The following KIF2A variants were observed in gnomAD, a reference collection of about 807,000 sequenced individuals.
KIF2A encodes the protein kinesin family member 2A.
A neutral mutation model predicts 100.2 loss-of-function variants in KIF2A; 22 were observed. That is an observed-to-expected ratio of 0.22 (90% CI 0.16 to 0.31). The LOEUF (loss-of-function observed/expected upper bound fraction) is 0.31. Among genes scored for constraint, KIF2A ranks in the 10% least tolerant of loss-of-function variants. The pLI, the probability that KIF2A is intolerant of heterozygous loss-of-function variation, is 1.00. For missense variants in KIF2A, 495 were observed against 898.7 expected (o/e 0.55, Z 5.74); for synonymous variants, 268 against 285.9 (o/e 0.94, Z 0.63).
intron 1 of KIF2A, among the ~76,000 whole-genome samples, chr5:62,337,070 T>C (rs1418096856): frequency 1.3e-5 from 2 of 152,204 alleles, no homozygotes; most frequent in African/African-American, 2.4e-5. Context: ...GATCTTCTTA[T>C]AATAACGCAA....
At chr5:62,327,860 T>C (rs1489777204) in intron 1 of KIF2A, among the ~76,000 whole-genome samples, 1 of 152,192 alleles carries the variant, frequency 6.6e-6, no homozygotes, top group Non-Finnish European at 1.5e-5. Flanking sequence ...CTGGGGGGAA[T>C]AATAACATTG....
intron 1 of KIF2A, among the ~76,000 whole-genome samples, chr5:62,313,896 A>G (rs1041528728): frequency 4.6e-5 from 7 of 151,890 alleles, no homozygotes; most frequent in South Asian, 2.1e-4. Context: ...GACTCAAGCA[A>G]TCCTCTCACC....
At chr5:62,345,484 A>G (rs1747514657) in intron 1 of KIF2A, among the ~76,000 whole-genome samples, 1 of 130,450 alleles carries the variant, frequency 7.7e-6, no homozygotes, top group Non-Finnish European at 1.6e-5. Context: ...TCTGTCTCAA[A>G]AAAAAAAAAA....
intron 1 of KIF2A, among the ~76,000 whole-genome samples, chr5:62,340,846 G>A (rs1747258429): frequency 6.6e-6 from 1 of 151,890 alleles, no homozygotes; most frequent in Admixed American, 6.6e-5. Context: ...TTAAAAAGAG[G>A]TATTTGAGTA....
chr5:62,340,239 T>G (rs1747226868), intron 1 of KIF2A, among the ~76,000 whole-genome samples: 1 of 152,126 alleles, frequency 6.6e-6, no homozygotes, highest in Non-Finnish European at 1.5e-5. Flanking sequence ...ACCTGGCAGT[T>G]GTTATCTTTG....
intron 1 of KIF2A, among the ~76,000 whole-genome samples, chr5:62,341,768 G>A (rs554089104): frequency 6.6e-6 from 1 of 152,092 alleles, no homozygotes; most frequent in South Asian, 2.1e-4. Flanking sequence ...TTGCCTAGAA[G>A]GGTGGGAATA....
intron 1 of KIF2A, among the ~76,000 whole-genome samples, chr5:62,320,173 T>C (rs748726614): frequency 2.0e-5 from 3 of 152,200 alleles, no homozygotes; most frequent in Non-Finnish European, 4.4e-5. Context: ...AGTAGATAAA[T>C]AATAGTCTCA....
chr5:62,340,572 G>A (rs1747242703), intron 1 of KIF2A, among the ~76,000 whole-genome samples: 1 of 145,886 alleles, frequency 6.9e-6, no homozygotes, highest in Admixed American at 6.8e-5. Context: ...ACTGAGACTT[G>A]AGCATCTCAT....
intron 1 of KIF2A, among the ~76,000 whole-genome samples, chr5:62,331,972 A>G (rs1310323440): frequency 1.3e-5 from 2 of 152,194 alleles, no homozygotes; most frequent in Non-Finnish European, 2.9e-5. Flanking sequence ...AAATTTTATT[A>G]GTATTCTTGG....
At chr5:62,360,465 G>A (rs812511) in intron 9 of KIF2A, among the ~76,000 whole-genome samples, 4 of 152,000 alleles carry the variant, frequency 2.6e-5, no homozygotes, top group Admixed American at 2.0e-4. Flanking sequence ...CGGGCAGATC[G>A]CCTGTGGTCA....
At chr5:62,312,258 C>G (rs1357196958) in intron 1 of KIF2A, among the ~76,000 whole-genome samples, 2 of 152,144 alleles carry the variant, frequency 1.3e-5, no homozygotes, top group Non-Finnish European at 2.9e-5. Flanking sequence ...GGCTATGTGT[C>G]AACTTGTTTT....
intron 17 of KIF2A, 130 bp downstream of exon 17, chr5:62,372,681 G>T: frequency 3.4e-6 from 2 of 585,360 alleles, no homozygotes; most frequent in South Asian, 4.7e-5. Flanking sequence ...TTTGGCAGGT[G>T]GTGGTTGTAC....
At chr5:62,313,769 GT>G (rs1745671857) in intron 1 of KIF2A, among the ~76,000 whole-genome samples, 1 of 151,854 alleles carries the variant, frequency 6.6e-6, no homozygotes, top group African/African-American at 2.4e-5. Context: ...TGAGTTATAA[GT>G]TTATAACTTT....
rs1431934423 is a variant in KIF2A, at chr5:62,306,255, A to G, written c.-218A>G. On this transcript the variant is annotated 5_prime_UTR_variant, in exon 1 of 21. Coordinates refer to ENST00000407818, the MANE Select transcript of KIF2A (RefSeq NM_001098511.3). ...CCCCGGCCCTAGCTTCACCCCGACT[A>G]CCCGGCGTGCGCGTCCTCCTGCCGG... The G allele has an allele frequency of 1.9e-6, 1 of 523,722 alleles. No homozygotes were observed. The highest frequency in any genetic ancestry group is 3.5e-5 in the East Asian group (1 of 28,428). 32.4% of individuals were successfully genotyped at this position (523,722 alleles called of 1,614,324 possible). A position where few individuals can be genotyped will look rare whatever the true frequency, so the allele number is the denominator to read the frequency against.
chr5:62,335,262 G>A (rs1437473065), intron 1 of KIF2A, among the ~76,000 whole-genome samples: 6 of 152,230 alleles, frequency 3.9e-5, no homozygotes, highest in African/African-American at 1.4e-4. Context: ...AAGATGAGCT[G>A]CGCATGGAGC....
chr5:62,326,463 C>T (rs1427521489), intron 1 of KIF2A, among the ~76,000 whole-genome samples: 1 of 152,130 alleles, frequency 6.6e-6, no homozygotes, highest in Non-Finnish European at 1.5e-5. Flanking sequence ...AAGTCAGCCA[C>T]ATCTACCCAA....
chr5:62,389,108 C>A lies in KIF2A; in HGVS notation c.*3539C>A, dbSNP rs931795007. 6.9e-7 allele frequency: 1 copy of A among 1,456,102 alleles called. No homozygotes were observed. The highest frequency in any genetic ancestry group is 9.6e-7 in the Non-Finnish European group (1 of 1,045,034). The allele number at this position is 1,456,102 out of a possible 1,614,324, so 90.2% of individuals were successfully genotyped here. A position where few individuals can be genotyped will look rare whatever the true frequency, so the allele number is the denominator to read the frequency against. ...TGAAAAGCTAATTTGTAGCACATAACGGTATATAGTTCTATACCATTAATA... is the reference window on the plus strand; with the variant it reads ...TGAAAAGCTAATTTGTAGCACATAAAGGTATATAGTTCTATACCATTAATA... On this transcript the variant is annotated 3_prime_UTR_variant, in exon 21 of 21. Coordinates refer to ENST00000407818, the MANE Select transcript of KIF2A (RefSeq NM_001098511.3).
intron 1 of KIF2A, among the ~76,000 whole-genome samples, chr5:62,318,554 A>G (rs1325631551): frequency 1.3e-5 from 2 of 152,142 alleles, no homozygotes; most frequent in South Asian, 2.1e-4. Context: ...AAGAGTAATA[A>G]CATTGCTTTT....
intron 1 of KIF2A, among the ~76,000 whole-genome samples, chr5:62,323,748 A>G (rs957515553): frequency 2.6e-5 from 4 of 151,804 alleles, no homozygotes; most frequent in Admixed American, 2.0e-4. Context: ...AACACTTTAA[A>G]TTTTTTTTGC....
Sources: gnomAD v4.1 joint callset for allele counts (sites outside exome capture counted in the v4.1 genomes callset) on GRCh38, gnomAD v4.1.1 for gene constraint, MANE v1.5 for transcripts, NCBI Gene and HGNC (gene_info 2026-07-23, HGNC 2026-07-21) for gene names.